The following GPC5 variants were observed in gnomAD, a reference collection of about 807,000 sequenced individuals.
The protein encoded by GPC5 is glypican-5.
A neutral mutation model predicts 53.9 loss-of-function variants in GPC5; 47 were observed. That is an observed-to-expected ratio of 0.87 (90% CI 0.69 to 1.11). The LOEUF (loss-of-function observed/expected upper bound fraction) is 1.11, where lower values mean the gene tolerates loss of function less well. GPC5 is among the 50% of genes most tolerant of loss of function. The pLI is 0.00. For synonymous variants in GPC5, 286 were observed against 263.3 expected, an observed-to-expected ratio of 1.09 and a Z score of -0.84; for missense variants, 748 against 713.1, an observed-to-expected ratio of 1.05 and a Z score of -0.56.
chr13:92,098,845 A>AGGT (rs2041442424), intron 6 of GPC5, among the ~76,000 whole-genome samples: 1 of 152,208 alleles, frequency 6.6e-6, no homozygotes, highest in Non-Finnish European at 1.5e-5. Flanking sequence ...ACCCAGTGAG[A>AGGT]CAGATATTGG....
intron 6 of GPC5, among the ~76,000 whole-genome samples, chr13:91,999,217 T>C (rs1053788957): frequency 6.8e-6 from 1 of 147,228 alleles, no homozygotes; most frequent in African/African-American, 2.5e-5. Flanking sequence ...CTTTTTTTTT[T>C]CTGTAATGCT....
At chr13:92,076,078 AT>A (rs34708469) in intron 6 of GPC5, among the ~76,000 whole-genome samples, 53,991 of 145,958 alleles carry the variant, frequency 0.37, 10,340 homozygotes, top group Admixed American at 0.47. Flanking sequence ...CGAAAGTATA[AT>A]TTTTTTTTTT....
intron 6 of GPC5, among the ~76,000 whole-genome samples, chr13:91,957,676 G>T (rs555697695): frequency 2.0e-5 from 3 of 152,156 alleles, no homozygotes; most frequent in Non-Finnish European, 4.4e-5. Flanking sequence ...AAAACTATCA[G>T]CCAAGGATAC....
At chr13:92,272,526 C>T (rs931224428) in intron 7 of GPC5, among the ~76,000 whole-genome samples, 2 of 152,102 alleles carry the variant, frequency 1.3e-5, no homozygotes, top group Non-Finnish European at 2.9e-5. Flanking sequence ...GTCAGAGGAC[C>T]GGACAGGTGC....
At chr13:92,260,839 C>G (rs2042761474) in intron 7 of GPC5, among the ~76,000 whole-genome samples, 3 of 152,214 alleles carry the variant, frequency 2.0e-5, no homozygotes, top group African/African-American at 7.2e-5. Context: ...AAAACCAGCT[C>G]GTTTTCTCTT....
intron 7 of GPC5, among the ~76,000 whole-genome samples, chr13:92,465,562 T>C (rs1190304813): frequency 6.6e-6 from 1 of 152,092 alleles, no homozygotes; most frequent in African/African-American, 2.4e-5. Context: ...CAACACTTCA[T>C]TTTGAAACTT....
At chr13:92,801,594 G>C (rs941661525) in intron 7 of GPC5, among the ~76,000 whole-genome samples, 2 of 151,492 alleles carry the variant, frequency 1.3e-5, no homozygotes, top group Non-Finnish European at 2.9e-5. Flanking sequence ...TCCAGAAGAG[G>C]GCATTGTTAT....
chr13:91,613,414 A>G (rs1347243579), intron 2 of GPC5, among the ~76,000 whole-genome samples: 1 of 152,148 alleles, frequency 6.6e-6, no homozygotes, highest in Admixed American at 6.6e-5. Flanking sequence ...CTGACCCCAT[A>G]GTTCAATTAT....
chr13:92,718,336 G>A lies in GPC5; in HGVS notation c.1562-147946G>A, dbSNP rs953455096. Reference sequence around the variant, plus strand: ...CGGCAAACTAATGGATAAAGAAAATGCGGTACACAATGAAGTATAATACCA... The same window carrying A: ...CGGCAAACTAATGGATAAAGAAAATACGGTACACAATGAAGTATAATACCA... On this transcript the variant is annotated intron_variant, in intron 7 of 7. Coordinates refer to ENST00000377067, the MANE Select transcript of GPC5 (RefSeq NM_004466.6). Among the ~76,000 whole-genome samples, 43 of 152,214 alleles carry A rather than the reference G, an allele frequency of 2.8e-4. No homozygotes were observed. The East Asian group carries it at 8.1e-3, about 29-fold the overall frequency.
intron 7 of GPC5, among the ~76,000 whole-genome samples, chr13:92,508,217 C>T (rs566124342): frequency 8.5e-5 from 13 of 152,288 alleles, no homozygotes; most frequent in Middle Eastern, 6.8e-3. Context: ...CCGCCTCGGC[C>T]TCCCAAAGTC....
intron 6 of GPC5, among the ~76,000 whole-genome samples, chr13:92,074,872 C>T (rs2041240322): frequency 6.6e-6 from 1 of 152,202 alleles, no homozygotes; most frequent in African/African-American, 2.4e-5. Flanking sequence ...GCTGGTGCAG[C>T]AGCAACTTCC....
chr13:92,373,652 CTGT>C (rs1382303443), intron 7 of GPC5, among the ~76,000 whole-genome samples: 1 of 152,184 alleles, frequency 6.6e-6, no homozygotes, highest in Non-Finnish European at 1.5e-5. Context: ...TGATAATATT[CTGT>C]TGTTGAACAT....
intron 7 of GPC5, among the ~76,000 whole-genome samples, chr13:92,528,708 A>G (rs2138983763): frequency 1.3e-5 from 2 of 152,222 alleles, no homozygotes; most frequent in South Asian, 4.1e-4. Flanking sequence ...ATTTAATTTA[A>G]TAAGGTAAAT....
Position 92,866,611 on chromosome 13 carries a change from C to T in GPC5, c.*172C>T, listed in dbSNP as rs1020406683. 5 of 449,298 alleles carry T rather than the reference C, an allele frequency of 1.1e-5. No homozygotes were observed. The highest frequency in any genetic ancestry group is 4.0e-5 in the African/African-American group (2 of 49,570). The allele number at this position is 449,298 out of a possible 1,614,324, so 27.8% of individuals were successfully genotyped here. A position where few individuals can be genotyped will look rare whatever the true frequency, so the allele number is the denominator to read the frequency against. Reference sequence around the variant, plus strand: ...TATTCATAAAGTCCCTAAAACTCAACGTTTAAATGACACACTTTAAAAATA... The same window carrying T: ...TATTCATAAAGTCCCTAAAACTCAATGTTTAAATGACACACTTTAAAAATA... On this transcript the variant is annotated 3_prime_UTR_variant, in exon 8 of 8. Transcript: ENST00000377067.
intron 6 of GPC5, among the ~76,000 whole-genome samples, chr13:91,921,788 AAAG>A (rs1328688590): frequency 0.021 from 408 of 19,266 alleles, no homozygotes; most frequent in African/African-American, 0.073. Flanking sequence ...TAAAAAAAAA[AAAG>A]AAAGAAAGAA....
intron 7 of GPC5, among the ~76,000 whole-genome samples, chr13:92,775,381 T>A (rs1317206288): frequency 1.3e-5 from 2 of 152,196 alleles, no homozygotes; most frequent in African/African-American, 4.8e-5. Context: ...GTAGCACAAC[T>A]CTTTGCACCT....
intron 7 of GPC5, among the ~76,000 whole-genome samples, chr13:92,451,613 C>T (rs1462669760): frequency 2.0e-5 from 3 of 152,084 alleles, no homozygotes; most frequent in Non-Finnish European, 4.4e-5. Flanking sequence ...ATGTTCTGCA[C>T]GTGGCACAAT....
chr13:92,309,240 A>T (rs2043130514), intron 7 of GPC5, among the ~76,000 whole-genome samples: 1 of 152,064 alleles, frequency 6.6e-6, no homozygotes. Context: ...ATGATTGAGG[A>T]AGCAAAATAC....
intron 7 of GPC5, among the ~76,000 whole-genome samples, chr13:92,694,885 C>T (rs1463745949): frequency 6.6e-6 from 1 of 152,232 alleles, no homozygotes; most frequent in East Asian, 1.9e-4. Context: ...TACTGTAATC[C>T]CCACGTGTTG....
Sources: gnomAD v4.1 joint callset for allele counts (sites outside exome capture counted in the v4.1 genomes callset) on GRCh38, gnomAD v4.1.1 for gene constraint, MANE v1.5 for transcripts, NCBI Gene and HGNC (gene_info 2026-07-23, HGNC 2026-07-21) for gene names.